RIOK3: variants seen among roughly 807,000 people sequenced by gnomAD.
RIOK3 encodes the protein RIO kinase 3, also known as serine/threonine-protein kinase RIO3.
RIOK3 carries 40 observed loss-of-function variants against 63.5 expected under a neutral mutation model. The observed-to-expected ratio is 0.63, with a 90% CI of 0.49 to 0.82. The LOEUF (loss-of-function observed/expected upper bound fraction) is 0.82, where lower values mean the gene tolerates loss of function less well. Among genes scored for constraint, RIOK3 ranks in the 40% least tolerant of loss-of-function variants. The probability of loss-of-function intolerance (pLI) is 0.00; values close to 1 mark genes in which losing one functional copy is unlikely to be tolerated. For missense variants in RIOK3, 557 were observed against 637.0 expected (o/e 0.87, Z 1.35); for synonymous variants, 193 against 205.0 (o/e 0.94, Z 0.50).
intron 11 of RIOK3, chr18:23,479,101 C>T (rs147979884): frequency 3.5e-5 from 15 of 430,188 alleles, no homozygotes; most frequent in Non-Finnish European, 6.0e-5. Context: ...AGGAGTGAGC[C>T]GCCATGCCTG....
chr18:23,471,558 TAGG>T (rs946332647), intron 7 of RIOK3, among the ~76,000 whole-genome samples: 5 of 152,108 alleles, frequency 3.3e-5, no homozygotes, highest in African/African-American at 1.2e-4. Context: ...AAATGAATTA[TAGG>T]AGGAGAAGAG....
intron 1 of RIOK3, among the ~76,000 whole-genome samples, chr18:23,461,187 A>G (rs1285122420): frequency 1.3e-5 from 2 of 152,228 alleles, no homozygotes; most frequent in Non-Finnish European, 2.9e-5. Flanking sequence ...AGTGTCATGC[A>G]GCAGGCCTTT....
intron 7 of RIOK3, among the ~76,000 whole-genome samples, chr18:23,472,857 A>G (rs1341610804): frequency 6.6e-6 from 1 of 151,988 alleles, no homozygotes; most frequent in Non-Finnish European, 1.5e-5. Context: ...GCTTTTGTTC[A>G]TGCTGTTCAA....
intron 1 of RIOK3, 23 bp from the exon 2 acceptor site, chr18:23,462,941 T>C (rs534714634): frequency 1.9e-6 from 2 of 1,056,782 alleles, no homozygotes; most frequent in East Asian, 2.8e-5. Flanking sequence ...TGAATTGAGC[T>C]GTTCTTTTTT....
At position 23,453,356 on chromosome 18, in the gene RIOK3, C is replaced by G. The variant is rs1335581350; in HGVS notation, c.-84C>G. Reference sequence around the variant, plus strand: ...ACTCCGGCATCAGCAGCCAGTCGCCCGTGTCCCGCCTGTCTCCTCGGCGGA... The same window carrying G: ...ACTCCGGCATCAGCAGCCAGTCGCCGGTGTCCCGCCTGTCTCCTCGGCGGA... On this transcript the variant is annotated 5_prime_UTR_variant, in exon 1 of 13. Coordinates refer to ENST00000339486, the MANE Select transcript of RIOK3 (RefSeq NM_003831.5). 8.7e-7 allele frequency: 1 copy of G among 1,151,210 alleles called. No homozygotes were observed. Among genetic ancestry groups the G allele is most frequent in the Non-Finnish European group, 1.3e-6 (1 of 765,300 alleles). The allele number at this position is 1,151,210 out of a possible 1,614,324, so 71.3% of individuals were successfully genotyped here.
At position 23,475,111 on chromosome 18, in the gene RIOK3, A is replaced by G. The variant is rs1167941515; in HGVS notation, c.1173+4A>G. The G allele has an allele frequency of 6.2e-7, 1 of 1,602,308 alleles. No homozygotes were observed. The highest frequency in any genetic ancestry group is 8.5e-7 in the Non-Finnish European group (1 of 1,175,420). On this transcript the variant is annotated splice_donor_region_variant and intron_variant, in intron 9 of 12. Coordinates refer to ENST00000339486, the MANE Select transcript of RIOK3 (RefSeq NM_003831.5). ...AGCCTACTATCAAACTCTTCATGTA[A>G]GTTGTGCTTTTAAAAGAATTCACAC...
intron 7 of RIOK3, among the ~76,000 whole-genome samples, chr18:23,469,425 T>G (rs1444347009): frequency 7.9e-6 from 1 of 127,290 alleles, no homozygotes; most frequent in African/African-American, 2.9e-5. Context: ...TCTCTCTCTC[T>G]CTCTCCCTCT....
At chr18:23,467,883 G>A (rs189603615) in intron 7 of RIOK3, among the ~76,000 whole-genome samples, 1 of 152,114 alleles carries the variant, frequency 6.6e-6, no homozygotes, top group African/African-American at 2.4e-5. Context: ...TTCAAGCAAG[G>A]TCTCCTATCC....
Position 23,475,032 on chromosome 18 carries a change from A to C in RIOK3, c.1098A>C (p.Gln366His). 6.2e-7 allele frequency: 1 copy of C among 1,613,070 alleles called. No homozygotes were observed. Among genetic ancestry groups the C allele is most frequent in the Non-Finnish European group, 8.5e-7 (1 of 1,179,034 alleles). ...ILVMSFIGHD[Q>H]VPAPKLKEVK... The stretch of plus-strand genomic sequence containing the variant: ...TTATGTCTTTTATTGGCCATGATCA[A>C]GTTCCAGCCCCTAAATTAAAAGAAG... Residue 366 changes from glutamine (Q) to histidine (H), a missense_variant, in exon 9 of 13, where the codon CAA becomes CAC. Coordinates refer to ENST00000339486, the MANE Select transcript of RIOK3 (RefSeq NM_003831.5).
rs963848637 is a variant in RIOK3, at chr18:23,479,879, T to C, written c.1452+455T>C. Among the ~76,000 whole-genome samples the C allele has an allele frequency of 3.9e-5, 6 of 152,118 alleles. No individual in the cohort carries two copies. The South Asian group carries it at 8.3e-4, about 21-fold the overall frequency. ...GGCATGAGCCACTGTGCCCGGCCTG[T>C]TTTTTTCTATACTTAAAATTCAGAA... On this transcript the variant is annotated intron_variant, in intron 12 of 12. Coordinates refer to ENST00000339486, the MANE Select transcript of RIOK3 (RefSeq NM_003831.5).
At chr18:23,478,838 C>G (rs1459796163) in intron 11 of RIOK3, among the ~76,000 whole-genome samples, 1 of 151,928 alleles carries the variant, frequency 6.6e-6, no homozygotes, top group Non-Finnish European at 1.5e-5. Flanking sequence ...GAAAGTATTT[C>G]CTTTACATAT....
intron 1 of RIOK3, among the ~76,000 whole-genome samples, chr18:23,461,484 C>G (rs545439014): frequency 2.0e-5 from 3 of 152,098 alleles, no homozygotes; most frequent in Admixed American, 2.0e-4. Flanking sequence ...AGTAACCCAG[C>G]GAATGGGATA....
intron 5 of RIOK3, among the ~76,000 whole-genome samples, chr18:23,465,082 G>A (rs2057397636): frequency 6.6e-6 from 1 of 152,032 alleles, no homozygotes; most frequent in African/African-American, 2.4e-5. Flanking sequence ...TTAAAAAATA[G>A]CATTCTAGGC....
At position 23,469,332 on chromosome 18, in the gene RIOK3, T is replaced by TCC. The variant is rs1192487861; in HGVS notation, c.815+1807_815+1808insCC. 3.2e-4 allele frequency among the ~76,000 whole-genome samples: 4 copies of TCC among 12,446 alleles called. 2 individuals carry two copies. Among genetic ancestry groups the TCC allele is most frequent in the African/African-American group, 1.9e-3 (4 of 2,080 alleles). 8.2% of individuals were successfully genotyped at this position (12,446 alleles called of 152,430 possible). ...CTCTCTCTCTCTCTCTCTCTCTCTC[T>TCC]CTCTCCCCCTCTCTCCCCCTCTCTC... On this transcript the variant is annotated intron_variant, in intron 7 of 12. Coordinates refer to ENST00000339486, the MANE Select transcript of RIOK3 (RefSeq NM_003831.5).
rs777499107 is a variant in RIOK3, at chr18:23,462,976, A to G, written c.76A>G (p.Ile26Val). 3.8e-6 allele frequency: 6 copies of G among 1,573,080 alleles called. No homozygotes were observed. The African/African-American group carries it at 6.8e-5, about 18-fold the overall frequency. Reference sequence around the variant, plus strand: ...TCTTTTTTCATAGTGTCCATGGGCTATTCCTCAAAATACAATATCTTGTTC... The same window carrying G: ...TCTTTTTTCATAGTGTCCATGGGCTGTTCCTCAAAATACAATATCTTGTTC... The part of the protein sequence containing the change: ...AWGPSKCPWA[I>V]PQNTISCSLA... Residue 26 changes from isoleucine (I) to valine (V), a missense_variant, in exon 2 of 13, where the codon ATT becomes GTT. This residue lies in a region of RIOK3 where 243 missense variants were observed against 275.4 expected (regional missense o/e 0.88). Transcript: ENST00000339486.
intron 1 of RIOK3, 93 bp downstream of exon 1, chr18:23,453,595 G>A (rs1158311371): frequency 5.2e-6 from 6 of 1,150,796 alleles, no homozygotes; most frequent in African/African-American, 4.5e-5. Flanking sequence ...GGCGATTCGG[G>A]AAGTTCTGGG....
chr18:23,456,456 G>A (rs762331037), intron 1 of RIOK3: 7 of 151,640 alleles, frequency 4.6e-5, no homozygotes, highest in Non-Finnish European at 7.4e-5. Flanking sequence ...TGCTAAATTT[G>A]GCTGGCTTTA....
intron 1 of RIOK3, among the ~76,000 whole-genome samples, chr18:23,462,015 G>A (rs772094955): frequency 5.3e-5 from 8 of 150,272 alleles, no homozygotes; most frequent in South Asian, 2.1e-4. Flanking sequence ...GCTTGAACCC[G>A]GGGAGGTGGA....
rs1295054567 is a variant in RIOK3, at chr18:23,481,302, G to A, written c.*23G>A. On this transcript the variant is annotated 3_prime_UTR_variant, in exon 13 of 13. Coordinates refer to ENST00000339486, the MANE Select transcript of RIOK3 (RefSeq NM_003831.5). ...TAGCACTAATACCCACTGCTTCAGTGTTAACACAGCAGTGATTGTCAGCTG... is the reference window on the plus strand; with the variant it reads ...TAGCACTAATACCCACTGCTTCAGTATTAACACAGCAGTGATTGTCAGCTG... The A allele has an allele frequency of 7.1e-7, 1 of 1,403,498 alleles. No homozygotes were observed. The highest frequency in any genetic ancestry group is 2.3e-5 in the East Asian group (1 of 42,646). 86.9% of individuals were successfully genotyped at this position (1,403,498 alleles called of 1,614,324 possible). A position where few individuals can be genotyped will look rare whatever the true frequency, so the allele number is the denominator to read the frequency against.
Sources: allele counts gnomAD v4.1 joint callset (sites outside exome capture counted in the v4.1 genomes callset), GRCh38; gene constraint gnomAD v4.1.1; regional missense constraint gnomAD v4.1.1; transcripts MANE v1.5; gene names NCBI Gene and HGNC (gene_info 2026-07-23, HGNC 2026-07-21).